CSMD1: variants seen among roughly 807,000 people sequenced by gnomAD.
The protein encoded by CSMD1 is CUB and sushi domain-containing protein 1.
In CSMD1, 213 loss-of-function variants were observed where a neutral mutation model predicts 417.5. The ratio of observed to expected loss-of-function variants is 0.51; its 90% CI spans 0.46 to 0.57. The LOEUF (loss-of-function observed/expected upper bound fraction) is 0.57. Ranked by LOEUF, CSMD1 falls within the 20% of genes least tolerant of loss-of-function variation. The pLI, the probability that CSMD1 is intolerant of heterozygous loss-of-function variation, is 0.00. For missense variants in CSMD1, 6,923 were observed against 4,529.7 expected, an observed-to-expected ratio of 1.53 and a Z score of -15.17; for synonymous variants, 2,862 against 1,736.8, an observed-to-expected ratio of 1.65 and a Z score of -16.11.
intron 1 of CSMD1, among the ~76,000 whole-genome samples, chr8:4,750,493 A>G (rs1306182444): frequency 8.5e-5 from 13 of 152,194 alleles, no homozygotes; most frequent in Admixed American, 8.5e-4. Flanking sequence ...TCTTAATTTC[A>G]TAGTCATTAT....
chr8:4,854,791 C>A (rs540581088), intron 1 of CSMD1, among the ~76,000 whole-genome samples: 71 of 152,286 alleles, frequency 4.7e-4, no homozygotes, highest in African/African-American at 1.6e-3. Context: ...TGATTGCTAG[C>A]ACAGCAGTCT....
At chr8:4,421,401 A>G (rs1037972606) in intron 2 of CSMD1, among the ~76,000 whole-genome samples, 5 of 152,154 alleles carry the variant, frequency 3.3e-5, no homozygotes, top group African/African-American at 1.2e-4. Flanking sequence ...AGGTGCCCAC[A>G]GAACATATAC....
intron 1 of CSMD1, among the ~76,000 whole-genome samples, chr8:4,884,679 G>T (rs1803620760): frequency 6.6e-6 from 1 of 152,028 alleles, no homozygotes; most frequent in African/African-American, 2.4e-5. Context: ...CAATTGCCCA[G>T]AAAAATAAGG....
At chr8:4,392,809 A>C (rs1803939646) in intron 3 of CSMD1, among the ~76,000 whole-genome samples, 1 of 151,724 alleles carries the variant, frequency 6.6e-6, no homozygotes, top group South Asian at 2.1e-4. Flanking sequence ...CTCTAGTAAA[A>C]ATACAAATAT....
intron 9 of CSMD1, among the ~76,000 whole-genome samples, chr8:3,577,526 T>A (rs557353563): frequency 6.6e-6 from 1 of 152,356 alleles, no homozygotes; most frequent in East Asian, 1.9e-4. Flanking sequence ...ATATTGGGAA[T>A]ATTCAGACCA....
chr8:3,300,391 A>T (rs1048405207), intron 25 of CSMD1, among the ~76,000 whole-genome samples: 2 of 152,048 alleles, frequency 1.3e-5, no homozygotes, highest in Admixed American at 6.6e-5. Flanking sequence ...TTATTATTTT[A>T]AAATTAAGAA....
intron 1 of CSMD1, among the ~76,000 whole-genome samples, chr8:4,763,421 T>A (rs373213756): frequency 1.3e-5 from 2 of 152,192 alleles, no homozygotes; most frequent in East Asian, 3.8e-4. Context: ...GAGTAAAATA[T>A]AGGTCACTTA....
intron 5 of CSMD1, among the ~76,000 whole-genome samples, chr8:3,921,529 T>C (rs1206659012): frequency 2.0e-5 from 3 of 152,170 alleles, no homozygotes; most frequent in East Asian, 3.9e-4. Flanking sequence ...TAGGCCATCA[T>C]TTCTGTAAAC....
At chr8:3,739,086 A>C (rs1796668656) in intron 6 of CSMD1, among the ~76,000 whole-genome samples, 1 of 152,214 alleles carries the variant, frequency 6.6e-6, no homozygotes, top group Non-Finnish European at 1.5e-5. Flanking sequence ...TAATTTCAAA[A>C]TAGTGGGGAT....
chr8:2,960,152 T>C (rs940646511), intron 62 of CSMD1, among the ~76,000 whole-genome samples: 1 of 152,250 alleles, frequency 6.6e-6, no homozygotes, highest in Non-Finnish European at 1.5e-5. Context: ...CCATATATAG[T>C]ATTTTCCAAT....
At chr8:3,589,903 TCTGA>T (rs1245856350) in intron 8 of CSMD1, among the ~76,000 whole-genome samples, 4 of 152,036 alleles carry the variant, frequency 2.6e-5, no homozygotes, top group Non-Finnish European at 2.9e-5. Flanking sequence ...ATATCACCAC[TCTGA>T]CTAATTGATT....
At chr8:3,073,886 T>G (rs1002945137) in intron 49 of CSMD1, among the ~76,000 whole-genome samples, 1 of 152,154 alleles carries the variant, frequency 6.6e-6, no homozygotes, top group Admixed American at 6.5e-5. Context: ...GACTGTTAGA[T>G]GTGCAAGAAT....
intron 3 of CSMD1, among the ~76,000 whole-genome samples, chr8:4,357,680 C>G (rs1801507499): frequency 1.3e-5 from 2 of 152,042 alleles, no homozygotes; most frequent in African/African-American, 2.4e-5. Flanking sequence ...CATGGTAGGA[C>G]TTCAAAAACT....
Position 2,997,880 on chromosome 8 carries a change from C to T in CSMD1, c.8377+131G>A, listed in dbSNP as rs896737231. 7.2e-6 allele frequency: 6 copies of T among 838,752 alleles called. No individual in the cohort carries two copies. The Admixed American group carries it at 1.7e-4, about 24-fold the overall frequency. 52.0% of individuals were successfully genotyped at this position (838,752 alleles called of 1,614,324 possible). On this transcript the variant is annotated intron_variant, in intron 54 of 69. Transcript: ENST00000635120. ...GCTTACTCTCAGAAATGCTTTCACA[C>T]CTGAATGGTGAGAGTTTGCAGAACT...
At chr8:3,165,196 A>C (rs1019503249) in intron 37 of CSMD1, among the ~76,000 whole-genome samples, 1 of 151,988 alleles carries the variant, frequency 6.6e-6, no homozygotes, top group African/African-American at 2.4e-5. Flanking sequence ...AGAAGCTAAG[A>C]ATGCAAAGAG....
chr8:2,974,170 C>G (rs1804717773), intron 56 of CSMD1, among the ~76,000 whole-genome samples: 2 of 152,280 alleles, frequency 1.3e-5, no homozygotes, highest in South Asian at 4.1e-4. Flanking sequence ...CGAACAGGGA[C>G]ACACGGAGCC....
chr8:3,965,891 A>C (rs1035287133), intron 5 of CSMD1, among the ~76,000 whole-genome samples: 4 of 152,182 alleles, frequency 2.6e-5, no homozygotes, highest in Non-Finnish European at 5.9e-5. Context: ...TGCTAGGACT[A>C]CAGGTATGAG....
chr8:3,365,273 T>C (rs978461731), intron 20 of CSMD1, among the ~76,000 whole-genome samples: 1 of 152,156 alleles, frequency 6.6e-6, no homozygotes, highest in Non-Finnish European at 1.5e-5. Context: ...TTCACTTGAG[T>C]AGTGAAATAC....
intron 7 of CSMD1, among the ~76,000 whole-genome samples, chr8:3,640,772 C>T (rs115532451): frequency 6.6e-6 from 1 of 152,122 alleles, no homozygotes. Flanking sequence ...ACATTCACAG[C>T]CCCTGTGTGG....
Sources: gnomAD v4.1 joint callset for allele counts (sites outside exome capture counted in the v4.1 genomes callset) on GRCh38, gnomAD v4.1.1 for gene constraint, MANE v1.5 for transcripts, NCBI Gene and HGNC (gene_info 2026-07-23, HGNC 2026-07-21) for gene names.